The following PTPRG variants were observed in gnomAD, a reference collection of about 807,000 sequenced individuals.
PTPRG encodes the protein protein tyrosine phosphatase receptor type G.
A neutral mutation model predicts 165.3 loss-of-function variants in PTPRG; 102 were observed. The observed-to-expected ratio is 0.62, with a 90% CI of 0.53 to 0.73. PTPRG has a LOEUF of 0.73. Ranked by LOEUF, PTPRG falls within the 30% of genes least tolerant of loss-of-function variation. The pLI is 0.00. For synonymous variants in PTPRG, 675 were observed against 669.5 expected (o/e 1.01, Z -0.13); for missense variants, 1,866 against 1,861.4 (o/e 1.00, Z -0.05).
intron 2 of PTPRG, among the ~76,000 whole-genome samples, chr3:61,985,099 C>G (rs2040726146): frequency 6.6e-6 from 1 of 152,246 alleles, no homozygotes; most frequent in African/African-American, 2.4e-5. Flanking sequence ...CCACTGGGAA[C>G]TTACTCACTA....
intron 1 of PTPRG, among the ~76,000 whole-genome samples, chr3:61,700,636 C>G (rs776342395): frequency 2.6e-5 from 4 of 152,168 alleles, no homozygotes; most frequent in African/African-American, 4.8e-5. Flanking sequence ...GTGAACTTGA[C>G]TGTTTTGGGA....
Position 61,841,153 on chromosome 3 carries a change from C to T in PTPRG, c.190+92171C>T, listed in dbSNP as rs116068046. Among the ~76,000 whole-genome samples the T allele has an allele frequency of 5.3e-3, 802 of 152,236 alleles. 10 individuals are homozygous for T. Among genetic ancestry groups the T allele is most frequent in the African/African-American group, 0.018 (767 of 41,536 alleles). ...TTACCAACTTTAACAATGAAAAAAG[C>T]ATCAACGTATATATTGGGACCGTTA... On this transcript the variant is annotated intron_variant, in intron 2 of 29. Transcript: ENST00000474889.
chr3:62,140,740 A>G (rs1252967774), intron 6 of PTPRG, among the ~76,000 whole-genome samples: 2 of 151,512 alleles, frequency 1.3e-5, no homozygotes, highest in Non-Finnish European at 2.9e-5. Flanking sequence ...CCAGCTACTC[A>G]GGAGACTGAG....
chr3:61,844,456 T>C (rs936239544), intron 2 of PTPRG, among the ~76,000 whole-genome samples: 1 of 152,196 alleles, frequency 6.6e-6, no homozygotes, highest in African/African-American at 2.4e-5. Context: ...CTAAAAGTTA[T>C]TTGTCCTGTA....
intron 2 of PTPRG, among the ~76,000 whole-genome samples, chr3:61,833,164 G>T (rs1327535682): frequency 6.6e-6 from 1 of 151,730 alleles, no homozygotes; most frequent in East Asian, 1.9e-4. Context: ...TATTTGAAGG[G>T]TGGAGTAGAG....
intron 2 of PTPRG, among the ~76,000 whole-genome samples, chr3:61,918,457 C>T (rs2038996004): frequency 6.6e-6 from 1 of 152,120 alleles, no homozygotes; most frequent in Non-Finnish European, 1.5e-5. Context: ...TTGTGGTACT[C>T]TGAAGATACT....
chr3:61,921,375 T>C (rs981336148), intron 2 of PTPRG, among the ~76,000 whole-genome samples: 1 of 152,132 alleles, frequency 6.6e-6, no homozygotes, highest in African/African-American at 2.4e-5. Flanking sequence ...TGCTAAAATC[T>C]AGTAGGATAA....
intron 2 of PTPRG, among the ~76,000 whole-genome samples, chr3:61,944,798 A>G (rs1243670080): frequency 6.6e-6 from 1 of 152,196 alleles, no homozygotes; most frequent in Non-Finnish European, 1.5e-5. Context: ...ACGCTGTAGC[A>G]TTTGTCTGTA....
At chr3:61,731,139 G>A (rs941911585) in intron 1 of PTPRG, among the ~76,000 whole-genome samples, 1 of 152,024 alleles carries the variant, frequency 6.6e-6, no homozygotes, top group African/African-American at 2.4e-5. Flanking sequence ...GAACGATTTG[G>A]CTCCATAAAA....
chr3:62,061,156 C>G (rs1700797273), intron 4 of PTPRG, among the ~76,000 whole-genome samples: 2 of 152,198 alleles, frequency 1.3e-5, no homozygotes, highest in African/African-American at 4.8e-5. Flanking sequence ...TGAAATTAAG[C>G]TTTTGTCCTG....
chr3:61,731,349 CTTTTTTTTT>C (rs543374959), intron 1 of PTPRG, among the ~76,000 whole-genome samples: 5 of 132,196 alleles, frequency 3.8e-5, no homozygotes, highest in Admixed American at 7.7e-5. Context: ...TTCCTTTTTC[CTTTTTTTTT>C]TTTTTTTTTG....
chr3:62,021,029 G>A (rs1488523841), intron 4 of PTPRG, among the ~76,000 whole-genome samples: 1 of 152,012 alleles, frequency 6.6e-6, no homozygotes, highest in South Asian at 2.1e-4. Context: ...GATCCCTGGG[G>A]TTCATATTTC....
chr3:61,947,267 A>G (rs1056157611), intron 2 of PTPRG, among the ~76,000 whole-genome samples: 3 of 152,214 alleles, frequency 2.0e-5, no homozygotes, highest in African/African-American at 7.2e-5. Context: ...AAAGTATATA[A>G]AAGACTTGTT....
At chr3:61,592,649 C>CTTTTTTTTTTTTTTTTTTTTTTTTTT (rs373986933) in intron 1 of PTPRG, among the ~76,000 whole-genome samples, 1 of 132,874 alleles carries the variant, frequency 7.5e-6, no homozygotes. Flanking sequence ...TTCTTTCTTT[C>CTTTTTTTTTTTTTTTTTTTTTTTTTT]TTTTTTTTTT....
intron 3 of PTPRG, among the ~76,000 whole-genome samples, chr3:61,991,080 T>C (rs2040876438): frequency 6.6e-6 from 1 of 152,220 alleles, no homozygotes; most frequent in African/African-American, 2.4e-5. Flanking sequence ...TTTGGGCCTT[T>C]TTTATAATGC....
intron 1 of PTPRG, among the ~76,000 whole-genome samples, chr3:61,675,753 T>C (rs558128232): frequency 6.6e-6 from 1 of 152,270 alleles, no homozygotes; most frequent in South Asian, 2.1e-4. Context: ...TTGAGGATAG[T>C]TTTTGCAGAT....
chr3:62,251,337 T>C (rs1468488611), intron 15 of PTPRG, among the ~76,000 whole-genome samples: 2 of 152,044 alleles, frequency 1.3e-5, no homozygotes, highest in South Asian at 2.1e-4. Flanking sequence ...CTGGGCAACA[T>C]AGCAAGACTC....
At chr3:61,697,990 A>G (rs192701906) in intron 1 of PTPRG, among the ~76,000 whole-genome samples, 2 of 152,282 alleles carry the variant, frequency 1.3e-5, no homozygotes, top group Non-Finnish European at 2.9e-5. Context: ...CCATTAGACC[A>G]TATTCTTTTA....
intron 14 of PTPRG, among the ~76,000 whole-genome samples, chr3:62,238,063 G>A (rs1701072034): frequency 6.6e-6 from 1 of 152,162 alleles, no homozygotes; most frequent in Non-Finnish European, 1.5e-5. Context: ...GAAGCACTTC[G>A]GTAGCATTTA....
Sources: gnomAD v4.1 joint callset for allele counts (sites outside exome capture counted in the v4.1 genomes callset) on GRCh38, gnomAD v4.1.1 for gene constraint, MANE v1.5 for transcripts, NCBI Gene and HGNC (gene_info 2026-07-23, HGNC 2026-07-21) for gene names.